Variants in TNFSF10 observed in about 807,000 individuals in gnomAD.
TNFSF10 encodes the protein tumor necrosis factor ligand superfamily member 10.
A neutral mutation model predicts 29.5 loss-of-function variants in TNFSF10; 13 were observed. The observed-to-expected ratio is 0.44, with a 90% CI of 0.29 to 0.70. The LOEUF (loss-of-function observed/expected upper bound fraction) is 0.70, where lower values mean the gene tolerates loss of function less well. TNFSF10 is among the 30% of genes least tolerant of loss of function. The pLI is 0.13. For missense variants in TNFSF10, 345 were observed against 330.9 expected (o/e 1.04, Z -0.33); for synonymous variants, 111 against 112.8 (o/e 0.98, Z 0.10).
chr3:172,511,720 T>C (rs1213511552), intron 2 of TNFSF10, 61 bp from the exon 3 acceptor site: 4 of 1,419,456 alleles, frequency 2.8e-6, no homozygotes, highest in Non-Finnish European at 3.9e-6. Flanking sequence ...GACTATAGAA[T>C]GCCTATGGCT....
chr3:172,507,044 A>G (rs1713019402), intron 4 of TNFSF10, 125 bp from the exon 5 acceptor site: 1 of 783,782 alleles, frequency 1.3e-6, no homozygotes, highest in Admixed American at 3.1e-5. Context: ...ATCTAATATC[A>G]AACTTCTTCC....
At chr3:172,509,370 C>CT in intron 3 of TNFSF10, 49 bp from the exon 4 acceptor site, 1 of 1,470,248 alleles carries the variant, frequency 6.8e-7, no homozygotes, top group South Asian at 1.2e-5. Context: ...AACTAGTTCT[C>CT]CAATACCTTG....
chr3:172,511,082 G>A (rs3136596), intron 3 of TNFSF10, among the ~76,000 whole-genome samples: 27,200 of 152,086 alleles, frequency 0.18, 2,589 homozygotes, highest in Non-Finnish European at 0.21. Flanking sequence ...AGAGAGGTGG[G>A]TCGAGAGAAG....
chr3:172,518,517 TCTC>T, intron 1 of TNFSF10: 1 of 1,256,076 alleles, frequency 8.0e-7, no homozygotes, highest in South Asian at 1.3e-5. Context: ...AGGAAGCCCT[TCTC>T]CTTTTTCCTC....
rs754015822 is a variant in TNFSF10, at chr3:172,506,897, C to G, written c.441G>C (p.Leu147=). 1 of 1,606,010 alleles carries G rather than the reference C, an allele frequency of 6.2e-7. No homozygotes were observed. The highest frequency in any genetic ancestry group is 1.1e-5 in the South Asian group (1 of 88,964). Reference sequence around the variant, plus strand: ...ATTCCCAGGAGTTTATTTTGCGGCCCAGAGCCTTTTCATTCTTGGAGTCTG... The same window carrying G: ...ATTCCCAGGAGTTTATTTTGCGGCCGAGAGCCTTTTCATTCTTGGAGTCTG... ...SSPNSKNEKA[L]GRKINSWESS... is the part of the protein sequence containing the mutation. The change falls in exon 5 of 5, where the codon CTG becomes CTC. Residue 147 remains leucine (L), a synonymous_variant. Transcript: ENST00000241261.
chr3:172,514,906 G>A lies in TNFSF10; in HGVS notation c.225C>T (p.Ser75=), dbSNP rs1330923641. 3 of 1,614,178 alleles carry A rather than the reference G, an allele frequency of 1.9e-6. No homozygotes were observed. Among genetic ancestry groups the A allele is most frequent in the Non-Finnish European group, 2.5e-6 (3 of 1,180,018 alleles). ...WDPNDEESMN[S]PCWQVKWQLR... is the part of the protein sequence containing the mutation. The stretch of plus-strand genomic sequence containing the variant: ...GTTGCCACTTGACTTGCCAGCAGGG[G>A]CTGTTCATACTCTCTTCGTCATTGG... The change falls in exon 2 of 5, where the codon AGC becomes AGT. Residue 75 remains serine (S), a synonymous_variant. Transcript: ENST00000241261.
intron 2 of TNFSF10, among the ~76,000 whole-genome samples, chr3:172,513,930 T>G (rs887984419): frequency 4.6e-5 from 7 of 151,898 alleles, no homozygotes; most frequent in Non-Finnish European, 1.0e-4. Context: ...CTTCTGCCTC[T>G]TAGGTTCAAG....
intron 1 of TNFSF10, among the ~76,000 whole-genome samples, chr3:172,515,872 G>T (rs1404056506): frequency 2.0e-5 from 3 of 148,036 alleles, no homozygotes; most frequent in Non-Finnish European, 4.5e-5. Context: ...AGCCAGAAGG[G>T]TTTTGTTTGT....
chr3:172,515,578 C>A (rs978777297), intron 1 of TNFSF10, among the ~76,000 whole-genome samples: 1 of 152,052 alleles, frequency 6.6e-6, no homozygotes, highest in Non-Finnish European at 1.5e-5. Flanking sequence ...ACCATGTTGC[C>A]ACTAGAAATC....
At chr3:172,511,083 T>C in intron 3 of TNFSF10, among the ~76,000 whole-genome samples, 1 of 151,930 alleles carries the variant, frequency 6.6e-6, no homozygotes, top group South Asian at 2.1e-4. Context: ...GAGAGGTGGG[T>C]CGAGAGAAGG....
At chr3:172,509,383 C>T in intron 3 of TNFSF10, 62 bp from the exon 4 acceptor site, 1 of 1,318,784 alleles carries the variant, frequency 7.6e-7, no homozygotes, top group Non-Finnish European at 1.1e-6. Context: ...ATACCTTGCT[C>T]TTCATAGGTG....
chr3:172,510,818 T>C (rs938827165), intron 3 of TNFSF10, among the ~76,000 whole-genome samples: 2 of 152,038 alleles, frequency 1.3e-5, no homozygotes, highest in Non-Finnish European at 2.9e-5. Flanking sequence ...TAAGAAAACA[T>C]ATTTAATAAA....
At chr3:172,522,487 C>G in intron 1 of TNFSF10, 1 of 1,104,282 alleles carries the variant, frequency 9.1e-7, no homozygotes, top group South Asian at 1.3e-5. Context: ...TACTGTGCAC[C>G]TTTTAAAACC....
At chr3:172,517,529 C>G (rs1713486363) in intron 1 of TNFSF10, 1 of 984,966 alleles carries the variant, frequency 1.0e-6, no homozygotes. Flanking sequence ...AAAAACCCTC[C>G]AAAAACTAAA....
chr3:172,515,462 C>G, intron 1 of TNFSF10, among the ~76,000 whole-genome samples: 1 of 152,164 alleles, frequency 6.6e-6, no homozygotes, highest in East Asian at 1.9e-4. Flanking sequence ...AAATAAAAAA[C>G]AGCCAAGTCA....
At chr3:172,510,224 A>G (rs1034700729) in intron 3 of TNFSF10, among the ~76,000 whole-genome samples, 1 of 152,224 alleles carries the variant, frequency 6.6e-6, no homozygotes, top group Non-Finnish European at 1.5e-5. Flanking sequence ...TTGGAGGCCA[A>G]GATGGGTGGA....
intron 1 of TNFSF10, chr3:172,522,443 T>G: frequency 6.7e-7 from 1 of 1,491,084 alleles, no homozygotes; most frequent in Non-Finnish European, 9.3e-7. Context: ...GGAAAGAAAT[T>G]TTATCATTCA....
In TNFSF10 at chr3:172,506,370, T is replaced by G. The variant is rs1577008243; in HGVS notation, c.*122A>C. 1 of 1,272,738 alleles carries G rather than the reference T, an allele frequency of 7.9e-7. No homozygotes were observed. The allele number at this position is 1,272,738 out of a possible 1,614,324, so 78.8% of individuals were successfully genotyped here. ...CTGCTCTACTCAGATTGCATAGAGG[T>G]TTTTTTGTTTTCTGTTTTCTGTTTG... On this transcript the variant is annotated 3_prime_UTR_variant, in exon 5 of 5. Transcript: ENST00000241261.
At chr3:172,515,926 G>T (rs1713412774) in intron 1 of TNFSF10, among the ~76,000 whole-genome samples, 1 of 152,140 alleles carries the variant, frequency 6.6e-6, no homozygotes, top group Non-Finnish European at 1.5e-5. Context: ...GTTTTGTTTT[G>T]TTTTAACAAG....
Sources: gnomAD v4.1 joint callset for allele counts (sites outside exome capture counted in the v4.1 genomes callset) on GRCh38, gnomAD v4.1.1 for gene constraint, MANE v1.5 for transcripts, NCBI Gene and HGNC (gene_info 2026-07-23, HGNC 2026-07-21) for gene names.